SYBU: variants seen among roughly 807,000 people sequenced by gnomAD.
SYBU encodes syntabulin, also known as GOLSYN A protein.
In SYBU, 21 loss-of-function variants were observed where a neutral mutation model predicts 35.9. The ratio of observed to expected loss-of-function variants is 0.58; its 90% confidence interval spans 0.41 to 0.84. The LOEUF is 0.84. Ranked by LOEUF, SYBU falls within the 40% of genes least tolerant of loss-of-function variation. The pLI, the probability that SYBU is intolerant of heterozygous loss-of-function variation, is 0.00. For missense variants in SYBU, 768 were observed against 848.2 expected (o/e 0.91, Z 1.17); for synonymous variants, 319 against 324.3 (o/e 0.98, Z 0.18).
At chr8:109,618,153 T>C (rs1342225919) in intron 3 of SYBU, among the ~76,000 whole-genome samples, 2 of 152,250 alleles carry the variant, frequency 1.3e-5, no homozygotes, top group African/African-American at 2.4e-5. Context: ...CCAATGACGA[T>C]GAACACATCC....
At chr8:109,605,306 C>A (rs1825957228) in intron 3 of SYBU, among the ~76,000 whole-genome samples, 1 of 152,166 alleles carries the variant, frequency 6.6e-6, no homozygotes. Context: ...TGTTCCATTG[C>A]AACTTTAAAA....
At chr8:109,592,482 C>G (rs139677666) in intron 3 of SYBU, among the ~76,000 whole-genome samples, 2 of 152,120 alleles carry the variant, frequency 1.3e-5, no homozygotes, top group South Asian at 4.1e-4. Flanking sequence ...TTTGCAGGGC[C>G]CAGTCTCCTG....
chr8:109,645,014 C>T, upstream of SYBU: 1 of 489,388 alleles, frequency 2.0e-6, no homozygotes, highest in South Asian at 1.8e-5. Flanking sequence ...AGCCGGTGTC[C>T]CTCCCTCTCC....
At position 109,619,023 on chromosome 8, in the gene SYBU, A is replaced by G. The variant is rs199850480; in HGVS notation, c.246T>C (p.Pro82=). Residue 82 remains proline, a synonymous_variant, in exon 3 of 7, where the codon CCT becomes CCC. Transcript: ENST00000276646. ...TCACAGGAGACACTGACTGGCTGCT[A>G]GGACAGCCTGTGTCATCTAGAAGAC... ...NSFCSDDTGC[P]SSQSVSPVKT... is the part of the protein sequence containing the mutation. The G allele has an allele frequency of 2.6e-4, 423 of 1,613,740 alleles. 1 individual carries two copies. In the African/African-American group the frequency reaches 5.2e-3, roughly 20 times the overall value.
intron 1 of SYBU, among the ~76,000 whole-genome samples, chr8:109,656,949 A>G (rs1816379003): frequency 6.6e-6 from 1 of 152,176 alleles, no homozygotes; most frequent in South Asian, 2.1e-4. Flanking sequence ...GAGAAATTAT[A>G]TTTCTAGCTT....
At chr8:109,593,162 C>G (rs557971068) in intron 3 of SYBU, among the ~76,000 whole-genome samples, 1 of 152,246 alleles carries the variant, frequency 6.6e-6, no homozygotes, top group East Asian at 1.9e-4. Flanking sequence ...ATTACTATAG[C>G]TGATTGTGCA....
intron 3 of SYBU, among the ~76,000 whole-genome samples, chr8:109,617,743 A>T (rs1303310700): frequency 6.6e-6 from 1 of 152,206 alleles, no homozygotes. Context: ...TAACGAATTC[A>T]TTATGACTAA....
intron 3 of SYBU, chr8:109,607,851 C>G: frequency 1.1e-6 from 1 of 941,928 alleles, no homozygotes; most frequent in Non-Finnish European, 1.6e-6. Context: ...CACACACACA[C>G]ACAGTCTAGC....
chr8:109,657,728 G>A (rs1404459251), intron 1 of SYBU, among the ~76,000 whole-genome samples: 1 of 152,132 alleles, frequency 6.6e-6, no homozygotes, highest in Admixed American at 6.5e-5. Context: ...TGAAACCTTT[G>A]AGCAATCCCC....
At chr8:109,686,393 C>T (rs1817520082) in intron 1 of SYBU, among the ~76,000 whole-genome samples, 1 of 152,164 alleles carries the variant, frequency 6.6e-6, no homozygotes, top group East Asian at 1.9e-4. Context: ...AACCCCTTCT[C>T]TCTTGTGGAA....
intron 2 of SYBU, among the ~76,000 whole-genome samples, chr8:109,623,573 T>C (rs769256397): frequency 2.7e-4 from 41 of 152,214 alleles, no homozygotes; most frequent in Admixed American, 5.2e-4. Flanking sequence ...CCAGCAACTA[T>C]TACAATTTTG....
At chr8:109,648,271 A>G (rs1345694356), upstream of SYBU, among the ~76,000 whole-genome samples, 1 of 145,038 alleles carries the variant, frequency 6.9e-6, no homozygotes, top group Non-Finnish European at 1.5e-5. Flanking sequence ...TAATATATAT[A>G]TATAATATAT....
chr8:109,644,360 A>G, intron 1 of SYBU: 2 of 609,066 alleles, frequency 3.3e-6, no homozygotes, highest in Non-Finnish European at 3.0e-6. Context: ...CAGGATATCA[A>G]CTGAAAGCTA....
At chr8:109,577,786 C>T (rs1554608363) in intron 6 of SYBU, 82 bp downstream of exon 6, 7 of 1,390,058 alleles carry the variant, frequency 5.0e-6, no homozygotes, top group African/African-American at 2.9e-5. Flanking sequence ...TCTTTTCTAT[C>T]TTTCTATAGT....
At position 109,575,684 on chromosome 8, in the gene SYBU, G is replaced by A. The variant is rs776859500; in HGVS notation, c.1214C>T (p.Pro405Leu). Residue 405 changes from proline (P) to leucine (L), a missense_variant, in exon 7 of 7, where the codon CCC becomes CTC. Pro to Leu is a moderately conservative substitution (Grantham distance 98). Coordinates refer to ENST00000276646, the MANE Select transcript of SYBU (RefSeq NM_001099754.2). ...DSPEKSLTLN[P>L]PLDTMADGLS... ...CCCATCTGCCATTGTGTCAAGAGGG[G>A]GGTTGAGGGTTAAGCTCTTCTCTGG... 3.7e-6 allele frequency: 6 copies of A among 1,614,092 alleles called. No individual in the cohort carries two copies. The East Asian group carries it at 1.3e-4, about 36-fold the overall frequency.
At chr8:109,651,448 C>CTTTTTTTTT (rs535652540) in intron 1 of SYBU, among the ~76,000 whole-genome samples, 2 of 64,466 alleles carry the variant, frequency 3.1e-5, no homozygotes, top group African/African-American at 5.3e-5. Flanking sequence ...GAAATTGAGA[C>CTTTTTTTTT]TTTTTTTTTT....
intron 2 of SYBU, among the ~76,000 whole-genome samples, chr8:109,627,202 G>C (rs1301821180): frequency 1.3e-5 from 2 of 152,154 alleles, no homozygotes; most frequent in African/African-American, 2.4e-5. Flanking sequence ...AAACTATATG[G>C]AAATCTAGTT....
At chr8:109,591,506 A>ATTTTT (rs1047402673) in intron 3 of SYBU, among the ~76,000 whole-genome samples, 2,778 of 100,862 alleles carry the variant, frequency 0.028, 240 homozygotes, top group African/African-American at 0.11. Context: ...AAAAATGTAA[A>ATTTTT]TTTTTTTTTT....
At position 109,574,846 on chromosome 8, in the gene SYBU, T is replaced by A; in HGVS notation, c.*60A>T. 1 of 1,481,696 alleles carries A rather than the reference T, an allele frequency of 6.7e-7. No individual in the cohort carries two copies. 91.8% of individuals were successfully genotyped at this position (1,481,696 alleles called of 1,614,324 possible). A position where few individuals can be genotyped will look rare whatever the true frequency, so the allele number is the denominator to read the frequency against. On this transcript the variant is annotated 3_prime_UTR_variant, in exon 7 of 7. Coordinates refer to ENST00000276646, the MANE Select transcript of SYBU (RefSeq NM_001099754.2). ...ACTGTCACAGATGATTGACTTCCTG[T>A]TTCTCTACCTGGCACAACCCACATG... is the stretch of plus-strand genomic sequence containing the variant.
Sources: gnomAD v4.1 joint callset for allele counts (sites outside exome capture counted in the v4.1 genomes callset) on GRCh38, gnomAD v4.1.1 for gene constraint, MANE v1.5 for transcripts, NCBI Gene and HGNC (gene_info 2026-07-23, HGNC 2026-07-21) for gene names.